TASP1: variants seen among roughly 807,000 people sequenced by gnomAD.
The protein encoded by TASP1 is threonine aspartase 1.
In TASP1, 16 loss-of-function variants were observed where a neutral mutation model predicts 56.6. That is an observed-to-expected ratio of 0.28 (90% CI 0.19 to 0.43). TASP1 has a LOEUF of 0.43. Among genes scored for constraint, TASP1 ranks in the 20% least tolerant of loss-of-function variants. TASP1 has a pLI of 1.00. For missense variants in TASP1, 393 were observed against 511.6 expected, an observed-to-expected ratio of 0.77 and a Z score of 2.24; for synonymous variants, 179 against 184.2, an observed-to-expected ratio of 0.97 and a Z score of 0.23.
chr20:13,110,271 C>A, the TASP1 span: 2 of 1,489,764 alleles, frequency 1.3e-6, no homozygotes, highest in Non-Finnish European at 1.9e-6. Context: ...GCAAGCTGAC[C>A]AGTGCGGAAA....
At chr20:13,581,558 G>C (rs181306886) in intron 5 of TASP1, among the ~76,000 whole-genome samples, 4 of 152,188 alleles carry the variant, frequency 2.6e-5, no homozygotes, top group Non-Finnish European at 4.4e-5. Context: ...CTGTGTAAAA[G>C]ATTGTAACCT....
chr20:13,617,801 T>A (rs760235586), intron 4 of TASP1, among the ~76,000 whole-genome samples: 41 of 151,936 alleles, frequency 2.7e-4, no homozygotes, highest in Non-Finnish European at 5.0e-4. Flanking sequence ...GAAAACTTGT[T>A]ATAAGTTTGG....
chr20:13,608,949 G>T (rs1040737786), intron 4 of TASP1, among the ~76,000 whole-genome samples: 2 of 152,232 alleles, frequency 1.3e-5, no homozygotes, highest in African/African-American at 4.8e-5. Context: ...GAGTACTGGG[G>T]ATGGTCAGAG....
intron 10 of TASP1, among the ~76,000 whole-genome samples, chr20:13,486,792 C>A (rs1299714602): frequency 1.3e-5 from 2 of 152,136 alleles, no homozygotes; most frequent in African/African-American, 4.8e-5. Context: ...CCAAAAAAAA[C>A]TGTACTTGAA....
At chr20:13,471,431 A>G (rs1464195490) in intron 11 of TASP1, among the ~76,000 whole-genome samples, 1 of 152,158 alleles carries the variant, frequency 6.6e-6, no homozygotes, top group African/African-American at 2.4e-5. Flanking sequence ...TGACATTCCT[A>G]TAATTTCTTA....
the TASP1 span, among the ~76,000 whole-genome samples, chr20:13,113,576 A>C: frequency 6.6e-6 from 1 of 152,230 alleles, no homozygotes; most frequent in Non-Finnish European, 1.5e-5. Context: ...ATTATTATTC[A>C]TATGTAGAAT....
the TASP1 span, among the ~76,000 whole-genome samples, chr20:13,236,661 A>C: frequency 6.6e-6 from 1 of 152,242 alleles, no homozygotes; most frequent in African/African-American, 2.4e-5. Flanking sequence ...CTTCCTAGAT[A>C]CAATGGGGGT....
chr20:13,108,384 G>T, the TASP1 span, among the ~76,000 whole-genome samples: 1 of 152,128 alleles, frequency 6.6e-6, no homozygotes, highest in Non-Finnish European at 1.5e-5. Context: ...ACTCAGCTTT[G>T]GGGGAAGCCC....
intron 10 of TASP1, among the ~76,000 whole-genome samples, chr20:13,486,811 G>A (rs2043334239): frequency 6.6e-6 from 1 of 152,062 alleles, no homozygotes; most frequent in Non-Finnish European, 1.5e-5. Context: ...AATCCGATTA[G>A]GCCTCTAAAT....
chr20:13,223,885 T>C, the TASP1 span, among the ~76,000 whole-genome samples: 1 of 152,188 alleles, frequency 6.6e-6, no homozygotes, highest in African/African-American at 2.4e-5. Flanking sequence ...TGTGGAAAAG[T>C]AAATTTGGCA....
chr20:13,498,515 C>T (rs1242202982), intron 10 of TASP1, among the ~76,000 whole-genome samples: 4 of 151,880 alleles, frequency 2.6e-5, no homozygotes, highest in African/African-American at 7.3e-5. Context: ...CCCACCACCA[C>T]GCCCAGCTAA....
At chr20:13,122,920 G>A in the TASP1 span, among the ~76,000 whole-genome samples, 1 of 152,182 alleles carries the variant, frequency 6.6e-6, no homozygotes, top group East Asian at 1.9e-4. Context: ...ACCTTAGAAT[G>A]TAACCCTGTG....
At chr20:13,221,879 G>A in the TASP1 span, 2 of 1,407,754 alleles carry the variant, frequency 1.4e-6, no homozygotes, top group African/African-American at 1.5e-5. Flanking sequence ...CGGGCCCGAC[G>A]CGGCCGCGGG....
chr20:13,562,915 A>ATATG (rs1268813401), intron 7 of TASP1, among the ~76,000 whole-genome samples: 430 of 128,676 alleles, frequency 3.3e-3, no homozygotes, highest in African/African-American at 9.6e-3. Context: ...ACATATATAT[A>ATATG]TGTGTGTGTG....
At chr20:13,362,585 GCTGA>G in the TASP1 span, among the ~76,000 whole-genome samples, 1 of 150,824 alleles carries the variant, frequency 6.6e-6, no homozygotes, top group Non-Finnish European at 1.5e-5. Context: ...ATCTCCCTTT[GCTGA>G]CTCTCTTTTC....
intron 4 of TASP1, among the ~76,000 whole-genome samples, chr20:13,591,075 G>A (rs1046555811): frequency 7.9e-5 from 12 of 151,200 alleles, no homozygotes; most frequent in Non-Finnish European, 5.9e-5. Context: ...AAGAAAAGGA[G>A]GAGGAAAAGA....
At chr20:13,211,904 T>C in the TASP1 span, among the ~76,000 whole-genome samples, 3 of 152,246 alleles carry the variant, frequency 2.0e-5, no homozygotes, top group East Asian at 5.8e-4. Flanking sequence ...ACGCCCTTGA[T>C]TTTTTCTTCT....
At chr20:13,288,674 A>G in the TASP1 span, 1 of 1,613,614 alleles carries the variant, frequency 6.2e-7, no homozygotes, top group Non-Finnish European at 8.5e-7. Flanking sequence ...TGACCGTCCA[A>G]ACTGCCCAGG....
chr20:13,577,384 G>A (rs985885992), intron 6 of TASP1, among the ~76,000 whole-genome samples: 3 of 152,156 alleles, frequency 2.0e-5, no homozygotes, highest in Non-Finnish European at 4.4e-5. Context: ...GAAAACAGAA[G>A]TTAAAATGAA....
Sources: gnomAD v4.1 joint callset for allele counts (sites outside exome capture counted in the v4.1 genomes callset) on GRCh38, gnomAD v4.1.1 for gene constraint, MANE v1.5 for transcripts, NCBI Gene and HGNC (gene_info 2026-07-23, HGNC 2026-07-21) for gene names.